GPN3: variants seen among roughly 807,000 people sequenced by gnomAD.
The protein encoded by GPN3 is ATP-binding domain 1 family member C.
Under a neutral mutation model 38.7 loss-of-function variants are expected in GPN3, and 31 were observed. The observed-to-expected ratio is 0.80, with a 90% confidence interval of 0.60 to 1.08. The LOEUF is 1.08. Ranked by LOEUF, GPN3 falls within the 50% of genes least tolerant of loss-of-function variation. The pLI, the probability that GPN3 is intolerant of heterozygous loss-of-function variation, is 0.00. For missense variants in GPN3, 301 were observed against 354.4 expected (o/e 0.85, Z 1.21); for synonymous variants, 116 against 120.2 (o/e 0.96, Z 0.23).
At chr12:110,459,551 A>C (rs2062572732) in intron 3 of GPN3, 144 bp downstream of exon 3, 1 of 675,062 alleles carries the variant, frequency 1.5e-6, no homozygotes, top group Non-Finnish European at 2.6e-6. Flanking sequence ...CAACAGATAT[A>C]CTTAGTAAGT....
chr12:110,462,274 T>G (rs1182359397), intron 2 of GPN3, among the ~76,000 whole-genome samples: 1 of 152,008 alleles, frequency 6.6e-6, no homozygotes, highest in Non-Finnish European at 1.5e-5. Flanking sequence ...TCAATCTGCC[T>G]CCCCGCAACC....
In GPN3 at chr12:110,455,909, CTGCCAAGA is replaced by C; in HGVS notation, c.464_471del (p.Ile155SerfsTer24). 1.3e-6 allele frequency: 2 copies of C among 1,594,176 alleles called. No individual in the cohort carries two copies. Among genetic ancestry groups the C allele is most frequent in the Non-Finnish European group, 1.7e-6 (2 of 1,161,918 alleles). ...TCTAGAGAGATCATGGCACTCAGGG[CTGCCAAGA>C]TGCCAGAAATAAACTGAAGGAGGAA... On this transcript the variant is annotated frameshift_variant, in exon 5 of 8. Coordinates refer to ENST00000228827, the MANE Select transcript of GPN3 (RefSeq NM_016301.4). LOFTEE classifies it high-confidence loss of function.
chr12:110,468,646 C>A, upstream of GPN3: 1 of 1,537,208 alleles, frequency 6.5e-7, no homozygotes, highest in Non-Finnish European at 8.7e-7. Context: ...TGTATATTTC[C>A]CTCCTGTGAC....
At position 110,459,845 on chromosome 12, in the gene GPN3, C is replaced by T. The variant is rs1208040516; in HGVS notation, c.175G>A (p.Glu59Lys). ...TCATCCTCCATTACATCATCCACCT[C>T]GATCAGTTCCCGGATGTCTGAAAAG... ...SVMADIRELI[E>K]VDDVMEDDSL... Residue 59 changes from glutamate to lysine, a missense_variant, in exon 3 of 8, where the codon GAG becomes AAG. Transcript: ENST00000228827. 10 of 1,613,840 alleles carry T rather than the reference C, an allele frequency of 6.2e-6. No individual in the cohort carries two copies. Among genetic ancestry groups the T allele is most frequent in the Admixed American group, 1.7e-5 (1 of 59,990 alleles).
chr12:110,459,515 C>T (rs931569556), intron 3 of GPN3, among the ~76,000 whole-genome samples, 180 bp downstream of exon 3: 5 of 152,202 alleles, frequency 3.3e-5, no homozygotes, highest in Non-Finnish European at 7.3e-5. Context: ...GATGGGATTA[C>T]AGGCGTGAGC....
At chr12:110,457,124 GA>G (rs916589503) in intron 4 of GPN3, among the ~76,000 whole-genome samples, 13 of 151,920 alleles carry the variant, frequency 8.6e-5, no homozygotes, top group African/African-American at 3.1e-4. Context: ...AATCATTTGT[GA>G]AATGTTCAGA....
At chr12:110,457,373 A>C in intron 4 of GPN3, 137 bp downstream of exon 4, 1 of 531,766 alleles carries the variant, frequency 1.9e-6, no homozygotes, top group Non-Finnish European at 3.0e-6. Context: ...GAATCACTTG[A>C]ACTGGGAGGC....
At chr12:110,463,147 C>T (rs1393577163) in intron 2 of GPN3, among the ~76,000 whole-genome samples, 4 of 152,244 alleles carry the variant, frequency 2.6e-5, no homozygotes, top group Admixed American at 6.5e-5. Flanking sequence ...AGGCCAAGTG[C>T]GGTGGCTCAT....
intron 7 of GPN3, 63 bp from the exon 8 acceptor site, chr12:110,453,159 T>C (rs2062525226): frequency 1.2e-6 from 1 of 800,368 alleles, no homozygotes; most frequent in Non-Finnish European, 2.1e-6. Flanking sequence ...AACTAGTATG[T>C]GTTTATATAT....
intron 1 of GPN3, among the ~76,000 whole-genome samples, chr12:110,466,507 C>CTT (rs981018747): frequency 5.5e-5 from 8 of 146,340 alleles, no homozygotes; most frequent in African/African-American, 2.0e-4. Context: ...CACACTGTAT[C>CTT]TTTTTTTTTT....
intron 3 of GPN3, 35 bp from the exon 4 acceptor site, chr12:110,457,669 G>T: frequency 6.6e-7 from 1 of 1,510,764 alleles, no homozygotes; most frequent in Non-Finnish European, 9.0e-7. Context: ...TTTAGAAATA[G>T]CAAGTATGTT....
intron 7 of GPN3, among the ~76,000 whole-genome samples, chr12:110,453,440 T>A (rs903290016): frequency 2.0e-5 from 3 of 152,230 alleles, no homozygotes; most frequent in Non-Finnish European, 4.4e-5. Context: ...GCTTAGCTGA[T>A]ACTATCATTA....
Position 110,458,220 on chromosome 12 carries a change from C to T in GPN3, c.326-586G>A, listed in dbSNP as rs185453448. 8.6e-4 allele frequency among the ~76,000 whole-genome samples: 131 copies of T among 152,234 alleles called. 2 individuals are homozygous for T. Among genetic ancestry groups the T allele is most frequent in the Admixed American group, 8.4e-3 (129 of 15,284 alleles). ...TTGGCCAGATGCCATGGTTCACACA[C>T]CTGTAATCCCAGCACTTTGGGAGGC... On this transcript the variant is annotated intron_variant, in intron 3 of 7. Transcript: ENST00000228827. This position sits in a 1 kb window ranked among gnomAD's most constrained non-coding sequence, Gnocchi z 4.4.
chr12:110,455,209 C>T lies in GPN3; in HGVS notation c.663+377G>A, dbSNP rs1222013927. On this transcript the variant is annotated intron_variant, in intron 6 of 7. Coordinates refer to ENST00000228827, the MANE Select transcript of GPN3 (RefSeq NM_016301.4). ...CATGATCTCAACTCACTGCAACCTC[C>T]GCCTCCCGAGTTCAAGTGATTCTCC... is the stretch of plus-strand genomic sequence containing the variant. 4.6e-5 allele frequency among the ~76,000 whole-genome samples: 7 copies of T among 151,964 alleles called. 1 individual carries two copies. In the East Asian group the frequency reaches 7.7e-4, roughly 17 times the overall value.
rs1258567024 is a variant in GPN3 at position 110,468,193 on chromosome 12, T to C, written c.11A>G (p.Tyr4Cys). 5 of 1,609,484 alleles carry C rather than the reference T, an allele frequency of 3.1e-6. No individual in the cohort carries two copies. The highest frequency in any genetic ancestry group is 4.2e-6 in the Non-Finnish European group (5 of 1,179,968). The change falls in exon 1 of 8, where the codon TAT becomes TGT. Residue 4 changes from tyrosine to cysteine, a missense_variant. Transcript: ENST00000228827. Reference protein sequence around the residue: MPRYAQLVMGPAGS... With the variant: MPRCAQLVMGPAGS... The stretch of plus-strand genomic sequence containing the variant: ...CGCGGGGCCCATGACCAGCTGCGCA[T>C]ACCGAGGCATGTTGGCTCCCGGAGC...
intron 1 of GPN3, among the ~76,000 whole-genome samples, chr12:110,467,583 C>T (rs1458888129): frequency 6.6e-6 from 1 of 152,132 alleles, no homozygotes; most frequent in Non-Finnish European, 1.5e-5. Flanking sequence ...GCACCGAGCA[C>T]AACTTCTCCT....
intron 4 of GPN3, 85 bp from the exon 5 acceptor site, chr12:110,456,015 T>G: frequency 1.3e-6 from 1 of 755,312 alleles, no homozygotes; most frequent in Non-Finnish European, 2.3e-6. Context: ...TATTCCTCAC[T>G]GGAACAGAAC....
chr12:110,468,583 G>C, upstream of GPN3: 1 of 1,537,244 alleles, frequency 6.5e-7, no homozygotes, highest in Non-Finnish European at 8.7e-7. Flanking sequence ...ATTTGCAAAT[G>C]TGCTGAGGAT....
Position 110,458,181 on chromosome 12 carries a change from C to T in GPN3, c.326-547G>A, listed in dbSNP as rs1205753249. ...CTTCACACTTTAGTTTTCTGCCAAT[C>T]AATATGAGTGTTATTGGCCAGATGC... is the stretch of plus-strand genomic sequence containing the variant. On this transcript the variant is annotated intron_variant, in intron 3 of 7. Transcript: ENST00000228827. This position sits in a 1 kb window ranked among gnomAD's most constrained non-coding sequence, Gnocchi z 4.4. 6.6e-6 allele frequency among the ~76,000 whole-genome samples: 1 copy of T among 151,122 alleles called. No individual in the cohort carries two copies. Among genetic ancestry groups the T allele is most frequent in the African/African-American group, 2.4e-5 (1 of 41,056 alleles).
Sources: gnomAD v4.1 joint callset for allele counts (sites outside exome capture counted in the v4.1 genomes callset) on GRCh38, gnomAD v4.1.1 for gene constraint, Gnocchi (gnomAD v3.1) non-coding constraint, MANE v1.5 for transcripts, NCBI Gene and HGNC (gene_info 2026-07-23, HGNC 2026-07-21) for gene names.